Variants in PHKB observed in about 807,000 individuals in gnomAD.
PHKB encodes the protein phosphorylase kinase regulatory subunit beta.
Under a neutral mutation model 152.1 loss-of-function variants are expected in PHKB, and 122 were observed. The observed-to-expected ratio is 0.80, with a 90% CI of 0.69 to 0.93. PHKB has a LOEUF of 0.93. PHKB is among the 40% of genes least tolerant of loss of function. PHKB has a pLI of 0.00. For missense variants in PHKB, 1,304 were observed against 1,328.4 expected (o/e 0.98, Z 0.29); for synonymous variants, 436 against 464.9 (o/e 0.94, Z 0.80).
intron 1 of PHKB, among the ~76,000 whole-genome samples, chr16:47,488,844 G>A (rs1229210184): frequency 2.6e-5 from 4 of 152,120 alleles, no homozygotes; most frequent in South Asian, 2.1e-4. Context: ...TTTGGTTACC[G>A]TAGCTGCCTT....
chr16:47,572,568 T>G (rs1971679753), intron 7 of PHKB, among the ~76,000 whole-genome samples: 2 of 152,190 alleles, frequency 1.3e-5, no homozygotes, highest in South Asian at 4.1e-4. Flanking sequence ...GTTTGGTCCC[T>G]ACTCTTAGCT....
In PHKB at chr16:47,696,494, T is replaced by G. The variant is rs754153154; in HGVS notation, c.3003+6T>G. The G allele has an allele frequency of 6.8e-7, 1 of 1,466,202 alleles. No homozygotes were observed. The highest frequency in any genetic ancestry group is 1.4e-5 in the African/African-American group (1 of 72,058). 90.8% of individuals were successfully genotyped at this position (1,466,202 alleles called of 1,614,324 possible). On this transcript the variant is annotated splice_donor_region_variant and intron_variant, in intron 29 of 30. Transcript: ENST00000323584. ...ACAGACAGATCGTTGTAGAGGTGAG[T>G]AGTAAGAAATGAAGATTGCTGAATA...
At chr16:47,552,284 A>T (rs1479984981) in intron 7 of PHKB, among the ~76,000 whole-genome samples, 1 of 152,162 alleles carries the variant, frequency 6.6e-6, no homozygotes, top group East Asian at 1.9e-4. Flanking sequence ...TTTGCCCGTT[A>T]CTTCATGCAG....
intron 7 of PHKB, among the ~76,000 whole-genome samples, chr16:47,560,694 G>A (rs559873160): frequency 6.6e-6 from 1 of 152,254 alleles, no homozygotes; most frequent in South Asian, 2.1e-4. Flanking sequence ...TGCTGGGACA[G>A]CTGGATGTCC....
chr16:47,651,486 ATCCT>A (rs1238109018), intron 20 of PHKB, among the ~76,000 whole-genome samples: 5 of 152,124 alleles, frequency 3.3e-5, no homozygotes, highest in Non-Finnish European at 1.5e-5. Flanking sequence ...TGCCTGGACT[ATCCT>A]TCCTTCTTTC....
chr16:47,502,190 T>G (rs1000721017), intron 3 of PHKB, among the ~76,000 whole-genome samples: 1 of 152,140 alleles, frequency 6.6e-6, no homozygotes, highest in Non-Finnish European at 1.5e-5. Flanking sequence ...TAAGATTAAG[T>G]GAAACAATGA....
intron 13 of PHKB, among the ~76,000 whole-genome samples, chr16:47,605,152 T>C (rs1194686032): frequency 6.6e-6 from 1 of 152,230 alleles, no homozygotes; most frequent in East Asian, 1.9e-4. Flanking sequence ...TGGCAATTAG[T>C]GTTTCTGTAT....
chr16:47,683,989 AT>A (rs1973914031), intron 26 of PHKB, among the ~76,000 whole-genome samples: 1 of 149,546 alleles, frequency 6.7e-6, no homozygotes, highest in African/African-American at 2.5e-5. Context: ...AAAAAAAATT[AT>A]TTTTTCCAAG....
chr16:47,650,848 C>T lies in PHKB; in HGVS notation c.1898C>T (p.Pro633Leu). The T allele has an allele frequency of 6.2e-7, 1 of 1,612,818 alleles. No homozygotes were observed. Among genetic ancestry groups the T allele is most frequent in the Non-Finnish European group, 8.5e-7 (1 of 1,179,018 alleles). ...TTTTTTAGAGGTAGCCGGTTCAACCCCATATTAGATATGCTGGCAGCCCTT... is the reference window on the plus strand; with the variant it reads ...TTTTTTAGAGGTAGCCGGTTCAACCTCATATTAGATATGCTGGCAGCCCTT... ...EDNIRGSRFN[P>L]ILDMLAALKK... The change falls in exon 20 of 31, where the codon CCC (proline) becomes CTC (leucine). Residue 633 changes from proline (P) to leucine (L), a missense_variant. Physicochemically the swap from Pro to Leu is moderately conservative, Grantham distance 98 (BLOSUM62 -3). Transcript: ENST00000323584.
chr16:47,642,161 A>C (rs774767341), intron 16 of PHKB, among the ~76,000 whole-genome samples: 1 of 152,008 alleles, frequency 6.6e-6, no homozygotes, highest in Non-Finnish European at 1.5e-5. Context: ...TGTTTAAAAA[A>C]AACGTACTCA....
chr16:47,485,085 A>G (rs931913933), intron 1 of PHKB, among the ~76,000 whole-genome samples: 2 of 152,192 alleles, frequency 1.3e-5, no homozygotes, highest in Non-Finnish European at 2.9e-5. Flanking sequence ...TTCTTCTGTA[A>G]CATTACTTTT....
In PHKB at chr16:47,701,191, A is replaced by C. The variant is rs545106124; in HGVS notation, c.*1825A>C. 1 of 152,350 alleles carries C rather than the reference A, an allele frequency of 6.6e-6. No individual in the cohort carries two copies. Among genetic ancestry groups the C allele is most frequent in the East Asian group, 1.9e-4 (1 of 5,190 alleles). 9.4% of individuals were successfully genotyped at this position (152,350 alleles called of 1,614,324 possible). A position where few individuals can be genotyped will look rare whatever the true frequency, so the allele number is the denominator to read the frequency against. ...ACTGGAGAAACTGGAAATTAAAGAAAGGGAAACAAAAGACTTAAAATTTTT... is the reference window on the plus strand; with the variant it reads ...ACTGGAGAAACTGGAAATTAAAGAACGGGAAACAAAAGACTTAAAATTTTT... On this transcript the variant is annotated 3_prime_UTR_variant, in exon 31 of 31. Coordinates refer to ENST00000323584, the MANE Select transcript of PHKB (RefSeq NM_000293.3).
At chr16:47,530,244 T>G (rs1970838539) in intron 6 of PHKB, among the ~76,000 whole-genome samples, 1 of 151,962 alleles carries the variant, frequency 6.6e-6, no homozygotes, top group African/African-American at 2.4e-5. Context: ...CAAGTAATTT[T>G]CATGTCTCAG....
chr16:47,572,995 G>A (rs959585074), intron 7 of PHKB, among the ~76,000 whole-genome samples: 1 of 152,140 alleles, frequency 6.6e-6, no homozygotes, highest in African/African-American at 2.4e-5. Context: ...TAAGCTGTAG[G>A]AGTGGGCACC....
intron 14 of PHKB, among the ~76,000 whole-genome samples, chr16:47,621,659 C>T (rs1485566926): frequency 1.3e-5 from 2 of 152,158 alleles, no homozygotes; most frequent in African/African-American, 2.4e-5. Context: ...AAAACCCAAG[C>T]ATGGGAGTGA....
intron 26 of PHKB, among the ~76,000 whole-genome samples, chr16:47,684,494 C>G: frequency 6.6e-6 from 1 of 152,242 alleles, no homozygotes; most frequent in East Asian, 1.9e-4. Flanking sequence ...AAGCCGGGCG[C>G]GGTGGCTCAC....
chr16:47,547,872 C>T (rs893526761), intron 7 of PHKB: 1 of 330,854 alleles, frequency 3.0e-6, no homozygotes, highest in East Asian at 8.1e-5. Flanking sequence ...GAAATTACCT[C>T]ATTTGAAATG....
At chr16:47,637,368 A>G (rs533233050) in intron 14 of PHKB, among the ~76,000 whole-genome samples, 2 of 152,180 alleles carry the variant, frequency 1.3e-5, no homozygotes, top group African/African-American at 4.8e-5. Context: ...CCCCCACCCA[A>G]CACCTGGCTC....
chr16:47,484,950 G>A (rs1970025208), intron 1 of PHKB, among the ~76,000 whole-genome samples: 1 of 152,020 alleles, frequency 6.6e-6, no homozygotes, highest in African/African-American at 2.4e-5. Flanking sequence ...TAACAATGTG[G>A]TGTGTATCCT....
Sources: allele counts gnomAD v4.1 joint callset (sites outside exome capture counted in the v4.1 genomes callset), GRCh38; gene constraint gnomAD v4.1.1; transcripts MANE v1.5; gene names NCBI Gene and HGNC (gene_info 2026-07-23, HGNC 2026-07-21).